PCDHGA1: variants seen among roughly 807,000 people sequenced by gnomAD.
The protein encoded by PCDHGA1 is protocadherin gamma-A1.
A neutral mutation model predicts 58.0 loss-of-function variants in PCDHGA1; 32 were observed. The ratio of observed to expected loss-of-function variants is 0.55; its 90% CI spans 0.42 to 0.74. The LOEUF is 0.74. Among genes scored for constraint, PCDHGA1 ranks in the 30% least tolerant of loss-of-function variants. The pLI is 0.00. For synonymous variants in PCDHGA1, 498 were observed against 501.1 expected (o/e 0.99, Z 0.08); for missense variants, 1,205 against 1,182.3 (o/e 1.02, Z -0.28).
intron 1 of PCDHGA1, chr5:141,388,489 G>A: frequency 6.2e-7 from 1 of 1,613,844 alleles, no homozygotes; most frequent in Non-Finnish European, 8.5e-7. Context: ...CCTTTGGACA[G>A]AGAAAAGCAG....
At position 141,403,568 on chromosome 5, in the gene PCDHGA1, ACTGCCCACCAC is replaced by A. The variant is rs758329896; in HGVS notation, c.2421+70467_2421+70477del. On this transcript the variant is annotated intron_variant, in intron 1 of 3. Coordinates refer to ENST00000517417, the MANE Select transcript of PCDHGA1 (RefSeq NM_018912.3). The stretch of plus-strand genomic sequence containing the variant: ...GCGCGCCCTGGACAGGGAGGAGGCA[ACTGCCCACCAC>A]CTGGTCCTCACGGCCTCGGATGGCG... The A allele has an allele frequency of 2.5e-6, 4 of 1,613,918 alleles. No individual in the cohort carries two copies. In the South Asian group the frequency reaches 4.4e-5, roughly 18 times the overall value.
Position 141,421,313 on chromosome 5 carries a change from C to T in PCDHGA1, c.2422-73494C>T, listed in dbSNP as rs201429116. 461 of 1,613,716 alleles carry T rather than the reference C, an allele frequency of 2.9e-4. No homozygotes were observed. Among genetic ancestry groups the T allele is most frequent in the Non-Finnish European group, 3.7e-4 (436 of 1,179,850 alleles). On this transcript the variant is annotated intron_variant, in intron 1 of 3. Coordinates refer to ENST00000517417, the MANE Select transcript of PCDHGA1 (RefSeq NM_018912.3). ...CTGGGGACGCTGCGGGGGTTCCGGGCCAGGCAGATCCGATATTCGGTGCCA... is the reference window on the plus strand; with the variant it reads ...CTGGGGACGCTGCGGGGGTTCCGGGTCAGGCAGATCCGATATTCGGTGCCA...
At chr5:141,423,029 A>C (rs1049470142) in intron 1 of PCDHGA1, 1 of 1,614,218 alleles carries the variant, frequency 6.2e-7, no homozygotes, top group Non-Finnish European at 8.5e-7. Context: ...GATTCAGGCC[A>C]GAACGCCTGG....
intron 1 of PCDHGA1, chr5:141,372,771 A>G: frequency 6.2e-7 from 1 of 1,610,980 alleles, no homozygotes. Context: ...AAGTAATGAC[A>G]ATCCAGAAAT....
chr5:141,400,590 T>A, intron 1 of PCDHGA1: 3 of 1,604,846 alleles, frequency 1.9e-6, no homozygotes, highest in Non-Finnish European at 2.6e-6. Context: ...CATGAAACTA[T>A]CGTACATTTT....
intron 1 of PCDHGA1, chr5:141,419,045 T>G (rs1473408777): frequency 6.2e-7 from 1 of 1,613,710 alleles, no homozygotes; most frequent in Non-Finnish European, 8.5e-7. Context: ...TAAGATTCAT[T>G]CTTCTTCTAA....
intron 1 of PCDHGA1, chr5:141,352,669 C>T (rs756977674): frequency 2.5e-5 from 39 of 1,582,668 alleles, no homozygotes; most frequent in Non-Finnish European, 3.1e-5. Flanking sequence ...TGTCTTCGCA[C>T]GTGAGTTTCT....
At chr5:141,384,961 G>A (rs774549251) in intron 1 of PCDHGA1, 1 of 1,614,096 alleles carries the variant, frequency 6.2e-7, no homozygotes, top group South Asian at 1.1e-5. Context: ...TTACAACTAT[G>A]ACCTCACGTT....
At chr5:141,450,754 C>G (rs192088793) in intron 1 of PCDHGA1, among the ~76,000 whole-genome samples, 1 of 150,996 alleles carries the variant, frequency 6.6e-6, no homozygotes, top group Non-Finnish European at 1.5e-5. Context: ...CCCAAAGTGC[C>G]GGGATTACAG....
chr5:141,476,554 G>A lies in PCDHGA1; in HGVS notation c.2422-18253G>A. On this transcript the variant is annotated intron_variant, in intron 1 of 3. Transcript: ENST00000517417. This position sits in a 1 kb window ranked among gnomAD's most constrained non-coding sequence, Gnocchi z 7.6. The stretch of plus-strand genomic sequence containing the variant: ...AGGAAATGAAATTGGAGATTAGCGA[G>A]GCCGTGGCTCCGGGGACGCGCTTTC... 1 of 1,614,232 alleles carries A rather than the reference G, an allele frequency of 6.2e-7. No individual in the cohort carries two copies. Among genetic ancestry groups the A allele is most frequent in the Non-Finnish European group, 8.5e-7 (1 of 1,180,036 alleles).
intron 1 of PCDHGA1, chr5:141,427,795 C>A: frequency 6.7e-7 from 1 of 1,499,260 alleles, no homozygotes; most frequent in Non-Finnish European, 9.2e-7. Context: ...TCCTACGTGT[C>A]CGTGAGCGCA....
In PCDHGA1 at chr5:141,408,945, G is replaced by A. The variant is rs1176579339; in HGVS notation, c.2421+75840G>A. 21 of 1,613,590 alleles carry A rather than the reference G, an allele frequency of 1.3e-5. No individual in the cohort carries two copies. In the East Asian group the frequency reaches 4.7e-4, roughly 36 times the overall value. Reference sequence around the variant, plus strand: ...CCGGTTTTCAGCAGAGACGAATATAGAATTAGTCTTAGTGAAAATCTGCCC... The same window carrying A: ...CCGGTTTTCAGCAGAGACGAATATAAAATTAGTCTTAGTGAAAATCTGCCC... On this transcript the variant is annotated intron_variant, in intron 1 of 3. Coordinates refer to ENST00000517417, the MANE Select transcript of PCDHGA1 (RefSeq NM_018912.3).
intron 1 of PCDHGA1, chr5:141,398,594 T>C: frequency 6.2e-7 from 1 of 1,614,028 alleles, no homozygotes; most frequent in African/African-American, 1.3e-5. Flanking sequence ...ATACTAGAAG[T>C]AGCAGAAGAT....
intron 1 of PCDHGA1, among the ~76,000 whole-genome samples, chr5:141,494,034 A>T (rs1206242414): frequency 1.3e-5 from 2 of 152,162 alleles, no homozygotes; most frequent in Non-Finnish European, 2.9e-5. Flanking sequence ...CTGGAGACTT[A>T]GTTGGCCCTG....
At chr5:141,333,958 T>C (rs920678925) in intron 1 of PCDHGA1, 4 of 152,218 alleles carry the variant, frequency 2.6e-5, no homozygotes, top group African/African-American at 7.2e-5. Context: ...TTATACATTA[T>C]ACCTGTAATG....
intron 1 of PCDHGA1, chr5:141,427,931 G>C: frequency 6.3e-7 from 1 of 1,583,764 alleles, no homozygotes; most frequent in Non-Finnish European, 8.6e-7. Flanking sequence ...GGCGCATGTT[G>C]GTGGGCGACC....
intron 1 of PCDHGA1, chr5:141,376,645 T>A (rs1174597911): frequency 5.9e-6 from 6 of 1,010,322 alleles, no homozygotes; most frequent in Non-Finnish European, 7.1e-6. Context: ...TTTTGTAAAG[T>A]GGAAGACTCC....
At chr5:141,358,867 G>A (rs1761039992) in intron 1 of PCDHGA1, among the ~76,000 whole-genome samples, 1 of 152,176 alleles carries the variant, frequency 6.6e-6, no homozygotes, top group Admixed American at 6.5e-5. Context: ...AGATATTTCT[G>A]TCATCATGTG....
In PCDHGA1 at chr5:141,331,289, G is replaced by T. The variant is rs767980771; in HGVS notation, c.605G>T (p.Arg202Ile). 3 of 1,614,126 alleles carry T rather than the reference G, an allele frequency of 1.9e-6. No homozygotes were observed. The highest frequency in any genetic ancestry group is 2.5e-6 in the Non-Finnish European group (3 of 1,180,020). The change falls in exon 1 of 4, where the codon AGA (arginine) becomes ATA (isoleucine). Residue 202 changes from arginine (R) to isoleucine (I), a missense_variant. Transcript: ENST00000517417. ...PEMVLQSPLD[R>I]EEEAVHHLIL... The stretch of plus-strand genomic sequence containing the variant: ...ATGGTGCTGCAGAGTCCCTTAGACA[G>T]AGAAGAAGAAGCTGTCCACCACCTC...
Sources: gnomAD v4.1 joint callset for allele counts (sites outside exome capture counted in the v4.1 genomes callset) on GRCh38, gnomAD v4.1.1 for gene constraint, Gnocchi (gnomAD v3.1) non-coding constraint, MANE v1.5 for transcripts, NCBI Gene and HGNC (gene_info 2026-07-23, HGNC 2026-07-21) for gene names.